Variants in SRGAP3 observed in about 807,000 individuals in gnomAD.
SRGAP3 encodes SLIT-ROBO Rho GTPase-activating protein 3.
Under a neutral mutation model 121.1 loss-of-function variants are expected in SRGAP3, and 39 were observed. The observed-to-expected ratio is 0.32, with a 90% CI of 0.25 to 0.42. The LOEUF (loss-of-function observed/expected upper bound fraction) is 0.42. Among genes scored for constraint, SRGAP3 ranks in the 10% least tolerant of loss-of-function variants. The pLI, the probability that SRGAP3 is intolerant of heterozygous loss-of-function variation, is 1.00. For synonymous variants in SRGAP3, 601 were observed against 570.0 expected, an observed-to-expected ratio of 1.05 and a Z score of -0.77; for missense variants, 1,213 against 1,470.6, an observed-to-expected ratio of 0.82 and a Z score of 2.86.
intron 4 of SRGAP3, among the ~76,000 whole-genome samples, chr3:9,068,240 C>T (rs780475558): frequency 2.0e-5 from 3 of 152,244 alleles, no homozygotes; most frequent in Non-Finnish European, 2.9e-5. Flanking sequence ...TTTCTATTTA[C>T]AGCTAGATCT....
chr3:9,187,410 C>T (rs1308074957), intron 1 of SRGAP3, among the ~76,000 whole-genome samples: 3 of 152,120 alleles, frequency 2.0e-5, no homozygotes, highest in Admixed American at 2.0e-4. Context: ...CTGTACCAGC[C>T]CACGCCCAGA....
At position 9,181,685 on chromosome 3, in the gene SRGAP3, T is replaced by C. The variant is rs1023722854; in HGVS notation, c.68-56768A>G. 5.5e-4 allele frequency among the ~76,000 whole-genome samples: 84 copies of C among 152,318 alleles called. 1 individual carries two copies. Among genetic ancestry groups the C allele is most frequent in the African/African-American group, 2.0e-3 (82 of 41,574 alleles). ...ATCATAACCTTCTGATTTTCCCTTC[T>C]GGTGCCCCCGCTCTTCTGGCTCCAG... is the stretch of plus-strand genomic sequence containing the variant. On this transcript the variant is annotated intron_variant, in intron 1 of 21. Transcript: ENST00000383836.
intron 1 of SRGAP3, among the ~76,000 whole-genome samples, chr3:9,179,266 A>T (rs1246776370): frequency 1.3e-5 from 2 of 152,212 alleles, no homozygotes; most frequent in Admixed American, 1.3e-4. Context: ...CAACTGGATG[A>T]GATGCGCAGG....
intron 3 of SRGAP3, among the ~76,000 whole-genome samples, chr3:9,258,283 A>G (rs1485064859): frequency 2.0e-5 from 3 of 152,170 alleles, no homozygotes; most frequent in Non-Finnish European, 4.4e-5. Context: ...AACCCACCCA[A>G]GTAGGGGAGG....
At chr3:9,201,460 G>C (rs1952065574) in intron 1 of SRGAP3, among the ~76,000 whole-genome samples, 1 of 152,236 alleles carries the variant, frequency 6.6e-6, no homozygotes, top group Non-Finnish European at 1.5e-5. Context: ...AACTGCAGCA[G>C]AGCCATCTGC....
intron 3 of SRGAP3, among the ~76,000 whole-genome samples, chr3:9,294,517 C>A (rs1439171426): frequency 6.7e-6 from 1 of 149,176 alleles, no homozygotes; most frequent in African/African-American, 2.5e-5. Flanking sequence ...TATCCTGGAA[C>A]TTAAAATAAA....
chr3:9,001,372 T>TC (rs1197633533), intron 18 of SRGAP3, among the ~76,000 whole-genome samples: 1 of 152,180 alleles, frequency 6.6e-6, no homozygotes, highest in Non-Finnish European at 1.5e-5. Context: ...CAATTATCTG[T>TC]CCATCAAAAA....
Position 9,029,353 on chromosome 3 carries a change from C to T in SRGAP3, c.1540-2358G>A, listed in dbSNP as rs1229836383. On this transcript the variant is annotated intron_variant, in intron 12 of 21. Transcript: ENST00000383836. ...TTGTCCCAGAGGTGAACCTCCTGGGCTTCAAAATTGGCTCTTATAAAAATG... is the reference window on the plus strand; with the variant it reads ...TTGTCCCAGAGGTGAACCTCCTGGGTTTCAAAATTGGCTCTTATAAAAATG... Among the ~76,000 whole-genome samples, 3 of 152,296 alleles carry T rather than the reference C, an allele frequency of 2.0e-5. No homozygotes were observed. The East Asian group carries it at 5.8e-4, about 29-fold the overall frequency.
At chr3:9,227,067 C>T (rs375550591) in intron 1 of SRGAP3, among the ~76,000 whole-genome samples, 3 of 152,136 alleles carry the variant, frequency 2.0e-5, no homozygotes, top group East Asian at 1.9e-4. Context: ...GGCACAAGTC[C>T]GAGCCCCTGT....
At chr3:9,119,804 C>T (rs528131086) in intron 2 of SRGAP3, among the ~76,000 whole-genome samples, 2 of 152,320 alleles carry the variant, frequency 1.3e-5, no homozygotes, top group East Asian at 3.9e-4. Context: ...GGGAGACAGC[C>T]CAGCAGGGCC....
At chr3:9,057,370 C>T (rs1227459984) in intron 7 of SRGAP3, among the ~76,000 whole-genome samples, 1 of 152,242 alleles carries the variant, frequency 6.6e-6, no homozygotes. Flanking sequence ...AATTGCACAA[C>T]CCAAAGTTTA....
chr3:9,263,313 G>C (rs540588293), intron 3 of SRGAP3, among the ~76,000 whole-genome samples: 1 of 151,822 alleles, frequency 6.6e-6, no homozygotes, highest in Non-Finnish European at 1.5e-5. Context: ...AAGAACTAGA[G>C]AAGCAAGAAC....
intron 15 of SRGAP3, among the ~76,000 whole-genome samples, chr3:9,014,483 G>A (rs1943534641): frequency 6.6e-6 from 1 of 152,160 alleles, no homozygotes; most frequent in South Asian, 2.1e-4. Context: ...GCAGATGCTT[G>A]GGATCTCATC....
intron 1 of SRGAP3, among the ~76,000 whole-genome samples, chr3:9,169,419 G>C (rs1183726009): frequency 2.6e-5 from 4 of 152,160 alleles, no homozygotes; most frequent in Non-Finnish European, 4.4e-5. Context: ...GGGTGAGTAG[G>C]AATTCAAGCA....
intron 15 of SRGAP3, chr3:9,014,072 T>G: frequency 1.7e-6 from 1 of 578,354 alleles, no homozygotes; most frequent in Non-Finnish European, 3.2e-6. Context: ...GAGTCGACTC[T>G]CCGGACTTGG....
rs1942140130 is a variant in SRGAP3 at position 8,992,845 on chromosome 3, C to T, written c.2558+61G>A. On this transcript the variant is annotated intron_variant, in intron 20 of 21. Transcript: ENST00000383836. Reference sequence around the variant, plus strand: ...CTCTCCTCTCTGCCCTTGTGCTTCTCCCAAATCAGACATGAACAGGATTGA... The same window carrying T: ...CTCTCCTCTCTGCCCTTGTGCTTCTTCCAAATCAGACATGAACAGGATTGA... 6 of 1,613,688 alleles carry T rather than the reference C, an allele frequency of 3.7e-6. No individual in the cohort carries two copies. In the African/African-American group the frequency reaches 6.7e-5, roughly 18 times the overall value.
chr3:9,339,538 CT>C (rs1955747442), intron 1 of SRGAP3, among the ~76,000 whole-genome samples: 1 of 152,176 alleles, frequency 6.6e-6, no homozygotes, highest in South Asian at 2.1e-4. Flanking sequence ...TGATATGTGA[CT>C]GTGGCAATGT....
At chr3:9,083,436 C>T (rs1451742573) in intron 3 of SRGAP3, among the ~76,000 whole-genome samples, 1 of 152,202 alleles carries the variant, frequency 6.6e-6, no homozygotes, top group Non-Finnish European at 1.5e-5. Flanking sequence ...AATAAACAAA[C>T]ATATATTTGC....
At position 8,985,478 on chromosome 3, in the gene SRGAP3, T is replaced by G. The variant is rs749036920; in HGVS notation, c.*41A>C. ...CCACCAAGGCCACCCTGGGCCGTGG[T>G]GAGCCACAGCGGGCCACGGCGGCGC... On this transcript the variant is annotated 3_prime_UTR_variant, in exon 22 of 22. Coordinates refer to ENST00000383836, the MANE Select transcript of SRGAP3 (RefSeq NM_014850.4). This position sits in a 1 kb window ranked among gnomAD's most constrained non-coding sequence, Gnocchi z 5.1. The G allele has an allele frequency of 6.3e-7, 1 of 1,595,372 alleles. No homozygotes were observed. The highest frequency in any genetic ancestry group is 1.3e-5 in the African/African-American group (1 of 74,582).
Sources: allele counts gnomAD v4.1 joint callset (sites outside exome capture counted in the v4.1 genomes callset), GRCh38; gene constraint gnomAD v4.1.1; non-coding constraint Gnocchi (gnomAD v3.1); transcripts MANE v1.5; gene names NCBI Gene and HGNC (gene_info 2026-07-23, HGNC 2026-07-21).